The following PIK3C2G variants were observed in gnomAD, a reference collection of about 807,000 sequenced individuals.
PIK3C2G encodes the protein phosphatidylinositol-4-phosphate 3-kinase catalytic subunit type 2 gamma, also known as phosphatidylinositol 3-kinase C2 domain-containing subunit gamma.
Under a neutral mutation model 181.1 loss-of-function variants are expected in PIK3C2G, and 168 were observed. The observed-to-expected ratio is 0.93, with a 90% CI of 0.82 to 1.05. PIK3C2G has a LOEUF of 1.05. Among genes scored for constraint, PIK3C2G ranks in the 50% least tolerant of loss-of-function variants. The pLI is 0.00. For missense variants in PIK3C2G, 1,869 were observed against 1,732.8 expected (o/e 1.08, Z -1.40); for synonymous variants, 573 against 592.2 (o/e 0.97, Z 0.47).
intron 13 of PIK3C2G, among the ~76,000 whole-genome samples, chr12:18,375,903 TGGC>T (rs1442462574): frequency 1.3e-5 from 2 of 152,168 alleles, no homozygotes; most frequent in Admixed American, 6.5e-5. Flanking sequence ...CTACAATCCT[TGGC>T]AGCTTCCACA....
intron 20 of PIK3C2G, among the ~76,000 whole-genome samples, chr12:18,492,176 A>G (rs1940630974): frequency 6.6e-6 from 1 of 152,138 alleles, no homozygotes; most frequent in Admixed American, 6.6e-5. Context: ...GTTCCTGATA[A>G]GCTTTATTAT....
intron 18 of PIK3C2G, among the ~76,000 whole-genome samples, chr12:18,468,051 A>G (rs1229043108): frequency 6.6e-6 from 1 of 152,018 alleles, no homozygotes; most frequent in Non-Finnish European, 1.5e-5. Context: ...CCTGTCACTC[A>G]AACACAGCCC....
chr12:18,500,251 GC>G (rs1182481060), intron 22 of PIK3C2G, among the ~76,000 whole-genome samples: 1 of 152,022 alleles, frequency 6.6e-6, no homozygotes, highest in Non-Finnish European at 1.5e-5. Flanking sequence ...CGGCCGGCCG[GC>G]CCTGCCGGCC....
At chr12:18,687,003 G>T in the PIK3C2G span, among the ~76,000 whole-genome samples, 2 of 152,000 alleles carry the variant, frequency 1.3e-5, no homozygotes, top group Non-Finnish European at 2.9e-5. Flanking sequence ...AGTAGAGGAT[G>T]GAGGGAACAA....
the PIK3C2G span, chr12:18,701,790 T>G: frequency 1.3e-6 from 2 of 1,588,368 alleles, no homozygotes; most frequent in Admixed American, 3.5e-5. Flanking sequence ...AGGAAACAAT[T>G]TGAGAGATAC....
At chr12:18,513,778 G>T (rs1388286851) in intron 24 of PIK3C2G, among the ~76,000 whole-genome samples, 1 of 151,330 alleles carries the variant, frequency 6.6e-6, no homozygotes, top group Admixed American at 6.6e-5. Flanking sequence ...TTTGTATTTT[G>T]TATTTTGTTT....
chr12:18,265,408 A>C (rs1948442256), intron 1 of PIK3C2G, among the ~76,000 whole-genome samples: 1 of 152,214 alleles, frequency 6.6e-6, no homozygotes, highest in African/African-American at 2.4e-5. Context: ...AAATATATAT[A>C]GTATAAATGT....
At chr12:18,303,139 T>TTTCTTTCTTTCTTTTCTTTCTTTCTTTC (rs71302109) in intron 5 of PIK3C2G, among the ~76,000 whole-genome samples, 2 of 128,660 alleles carry the variant, frequency 1.6e-5, no homozygotes, top group Non-Finnish European at 3.3e-5. Context: ...TCTTTCTTTC[T>TTTCTTTCTTTCTTTTCTTTCTTTCTTTC]TTTCTTTTCT....
At chr12:18,505,484 C>T (rs758308875) in intron 24 of PIK3C2G, 23 bp downstream of exon 24, 3 of 1,585,802 alleles carry the variant, frequency 1.9e-6, no homozygotes, top group Admixed American at 1.7e-5. Flanking sequence ...ATGTTTATTA[C>T]AGTAATTAAG....
chr12:18,538,384 A>G lies in PIK3C2G; in HGVS notation c.3480+72A>G, dbSNP rs536786933. Reference sequence around the variant, plus strand: ...GCCTCTGCTTCAGTAGTCTATTTTTACTAATGGCTTGGAGTTCCCCAAGGA... The same window carrying G: ...GCCTCTGCTTCAGTAGTCTATTTTTGCTAATGGCTTGGAGTTCCCCAAGGA... On this transcript the variant is annotated intron_variant, in intron 25 of 32. Transcript: ENST00000538779. 12 of 1,361,424 alleles carry G rather than the reference A, an allele frequency of 8.8e-6. No individual in the cohort carries two copies. In the East Asian group the frequency reaches 2.3e-4, roughly 26 times the overall value. 84.3% of individuals were successfully genotyped at this position (1,361,424 alleles called of 1,614,324 possible).
chr12:18,445,876 T>C (rs1308049291), intron 18 of PIK3C2G, among the ~76,000 whole-genome samples: 1 of 152,160 alleles, frequency 6.6e-6, no homozygotes. Flanking sequence ...TTGAGTGCAA[T>C]TGCATAGAAC....
chr12:18,500,408 A>G (rs1321701995), intron 22 of PIK3C2G, among the ~76,000 whole-genome samples: 7 of 152,158 alleles, frequency 4.6e-5, no homozygotes, highest in Non-Finnish European at 1.5e-5. Context: ...ACCTGCAGCC[A>G]GCCATGCCTG....
At chr12:18,254,402 A>C (rs140170490) in intron 1 of PIK3C2G, among the ~76,000 whole-genome samples, 101 of 152,192 alleles carry the variant, frequency 6.6e-4, no homozygotes, top group African/African-American at 2.2e-3. Context: ...TAATCTAATG[A>C]TTAGTAGCAT....
intron 16 of PIK3C2G, among the ~76,000 whole-genome samples, chr12:18,405,020 A>G (rs1348858706): frequency 1.3e-5 from 2 of 152,162 alleles, no homozygotes; most frequent in Non-Finnish European, 2.9e-5. Context: ...GGAAAGTAAA[A>G]AAGAGAGAAG....
At chr12:18,400,844 C>G (rs1944211328) in intron 16 of PIK3C2G, among the ~76,000 whole-genome samples, 1 of 151,952 alleles carries the variant, frequency 6.6e-6, no homozygotes, top group African/African-American at 2.4e-5. Context: ...CTGATGTGTG[C>G]TCGGATGCCT....
chr12:18,632,425 T>C (rs1431248474), intron 31 of PIK3C2G, among the ~76,000 whole-genome samples: 1 of 152,144 alleles, frequency 6.6e-6, no homozygotes, highest in Non-Finnish European at 1.5e-5. Flanking sequence ...ACCTGCTGTA[T>C]TAGGGTTCAC....
At chr12:18,667,368 T>C in the PIK3C2G span, among the ~76,000 whole-genome samples, 3 of 152,142 alleles carry the variant, frequency 2.0e-5, no homozygotes, top group Non-Finnish European at 4.4e-5. Flanking sequence ...TATAAACTGA[T>C]GGGCACCTGG....
the PIK3C2G span, among the ~76,000 whole-genome samples, chr12:18,710,347 G>T: frequency 6.6e-6 from 1 of 151,438 alleles, no homozygotes; most frequent in Admixed American, 6.6e-5. Context: ...TATAAAGGGG[G>T]AATAGCAAGT....
At chr12:18,683,292 C>A in the PIK3C2G span, 1 of 1,612,470 alleles carries the variant, frequency 6.2e-7, no homozygotes, top group Non-Finnish European at 8.5e-7. Context: ...AGGCTCTCAC[C>A]CATTCTGGAA....
Sources: gnomAD v4.1 joint callset for allele counts (sites outside exome capture counted in the v4.1 genomes callset) on GRCh38, gnomAD v4.1.1 for gene constraint, MANE v1.5 for transcripts, NCBI Gene and HGNC (gene_info 2026-07-23, HGNC 2026-07-21) for gene names.